ST3GAL3: variants seen among roughly 807,000 people sequenced by gnomAD.
ST3GAL3 encodes ST3 beta-galactoside alpha-2,3-sialyltransferase 3.
ST3GAL3 carries 21 observed loss-of-function variants against 50.1 expected under a neutral mutation model. The ratio of observed to expected loss-of-function variants is 0.42; its 90% CI spans 0.30 to 0.60. The LOEUF is 0.60. ST3GAL3 is among the 20% of genes least tolerant of loss of function. The pLI is 0.19. For missense variants in ST3GAL3, 353 were observed against 489.4 expected (o/e 0.72, Z 2.63); for synonymous variants, 183 against 190.0 (o/e 0.96, Z 0.30).
At chr1:43,875,400 G>A (rs1570421095) in intron 5 of ST3GAL3, among the ~76,000 whole-genome samples, 3 of 152,212 alleles carry the variant, frequency 2.0e-5, no homozygotes, top group Non-Finnish European at 1.5e-5. Flanking sequence ...ATCACTGGAG[G>A]AGGGGAGGCC....
intron 5 of ST3GAL3, among the ~76,000 whole-genome samples, chr1:43,891,726 A>T (rs2076708032): frequency 6.6e-6 from 1 of 152,238 alleles, no homozygotes; most frequent in African/African-American, 2.4e-5. Context: ...TCAGCTCATT[A>T]TTCTGCAAAT....
In ST3GAL3 at chr1:43,857,327, A is replaced by G. The variant is rs560484638; in HGVS notation, c.302+19016A>G. 1.2e-3 allele frequency among the ~76,000 whole-genome samples: 182 copies of G among 152,304 alleles called. 2 individuals carry two copies. Among genetic ancestry groups the G allele is most frequent in the Non-Finnish European group, 2.3e-3 (154 of 68,024 alleles). On this transcript the variant is annotated intron_variant, in intron 5 of 11. Transcript: ENST00000347631. ...GAAAACATTTATGGCAATTAGAGTA[A>G]GTTTATGTTGCTGAATCTAATAAAT...
chr1:43,859,629 T>TA (rs998707840), intron 5 of ST3GAL3, among the ~76,000 whole-genome samples: 11 of 152,164 alleles, frequency 7.2e-5, no homozygotes, highest in Non-Finnish European at 1.0e-4. Flanking sequence ...GCTCAGCCCC[T>TA]TCAGATAGTG....
chr1:43,858,287 T>C, intron 5 of ST3GAL3: 1 of 1,285,408 alleles, frequency 7.8e-7, no homozygotes, highest in Non-Finnish European at 1.0e-6. Context: ...TGAAGTCTGA[T>C]GCCTGAACTA....
chr1:43,867,713 C>A (rs192308356), intron 5 of ST3GAL3, among the ~76,000 whole-genome samples: 70 of 152,290 alleles, frequency 4.6e-4, no homozygotes, highest in Admixed American at 1.1e-3. Flanking sequence ...TGCTCTAACC[C>A]TGCCCCTTCT....
intron 5 of ST3GAL3, among the ~76,000 whole-genome samples, chr1:43,862,288 C>A (rs2070186744): frequency 6.6e-6 from 1 of 152,206 alleles, no homozygotes; most frequent in South Asian, 2.1e-4. Context: ...GCTTTTCCTG[C>A]CCTGGAGCTC....
chr1:43,722,000 A>G (rs957998712), intron 1 of ST3GAL3, among the ~76,000 whole-genome samples: 1 of 152,220 alleles, frequency 6.6e-6, no homozygotes, highest in Non-Finnish European at 1.5e-5. Flanking sequence ...GGTGAACAAA[A>G]TAGACATGTT....
chr1:43,750,130 T>C (rs1332918379), intron 2 of ST3GAL3, among the ~76,000 whole-genome samples: 1 of 152,114 alleles, frequency 6.6e-6, no homozygotes, highest in East Asian at 1.9e-4. Flanking sequence ...GGAAAGCAAA[T>C]TAAAACCTCA....
In ST3GAL3 at chr1:43,838,211, T is replaced by TC; in HGVS notation, c.210-5dup. On this transcript the variant is annotated splice_polypyrimidine_tract_variant and splice_region_variant and intron_variant, in intron 4 of 11. Coordinates refer to ENST00000347631, the MANE Select transcript of ST3GAL3 (RefSeq NM_006279.5). The stretch of plus-strand genomic sequence containing the variant: ...TGGCAAGCTGTAACTTTCCTTCTCT[T>TC]CCCATAGGCCTGCTGAATTAGCCAC... The TC allele has an allele frequency of 6.2e-6, 10 of 1,611,078 alleles. No individual in the cohort carries two copies. The highest frequency in any genetic ancestry group is 8.5e-6 in the Non-Finnish European group (10 of 1,178,202).
chr1:43,861,309 C>T (rs932054263), intron 5 of ST3GAL3, among the ~76,000 whole-genome samples: 2 of 152,188 alleles, frequency 1.3e-5, no homozygotes, highest in African/African-American at 4.8e-5. Context: ...ATGTCCATGA[C>T]ATGTGTGTCC....
intron 5 of ST3GAL3, chr1:43,850,323 G>A: frequency 1.7e-6 from 1 of 592,864 alleles, no homozygotes; most frequent in African/African-American, 1.9e-5. Context: ...GCCAGGCAGA[G>A]GGAAGAGAGT....
rs746909834 is a variant in ST3GAL3, at chr1:43,920,563, G to T, written c.891+13G>T. Reference sequence around the variant, plus strand: ...CATGGGCCGGGGGGTGAGATATCTGGGCCCTGGGAGAGGGAGGAGGAAAGC... The same window carrying T: ...CATGGGCCGGGGGGTGAGATATCTGTGCCCTGGGAGAGGGAGGAGGAAAGC... On this transcript the variant is annotated intron_variant, in intron 10 of 11. Transcript: ENST00000347631. 12 of 1,613,410 alleles carry T rather than the reference G, an allele frequency of 7.4e-6. No individual in the cohort carries two copies. The South Asian group carries it at 1.2e-4, about 16-fold the overall frequency.
At chr1:43,800,759 T>C (rs776982274) in intron 3 of ST3GAL3, among the ~76,000 whole-genome samples, 1 of 152,168 alleles carries the variant, frequency 6.6e-6, no homozygotes, top group Non-Finnish European at 1.5e-5. Flanking sequence ...AGGAAGATGC[T>C]CAATAAATAG....
intron 1 of ST3GAL3, among the ~76,000 whole-genome samples, chr1:43,722,665 G>A (rs924834202): frequency 5.9e-5 from 9 of 152,160 alleles, no homozygotes; most frequent in Non-Finnish European, 5.9e-5. Context: ...GATAAAATTT[G>A]TAGGACTTGA....
chr1:43,767,036 GGA>G (rs1381184951), intron 2 of ST3GAL3, among the ~76,000 whole-genome samples: 1 of 152,168 alleles, frequency 6.6e-6, no homozygotes, highest in South Asian at 2.1e-4. Context: ...CTGATGAAAA[GGA>G]GAGAGAGAAA....
At chr1:43,746,218 A>T (rs1683575544) in intron 2 of ST3GAL3, among the ~76,000 whole-genome samples, 3 of 152,220 alleles carry the variant, frequency 2.0e-5, no homozygotes, top group African/African-American at 7.2e-5. Context: ...TTAAATGCGT[A>T]AGCCAGTAAC....
At chr1:43,748,546 A>G (rs953379054) in intron 2 of ST3GAL3, among the ~76,000 whole-genome samples, 1 of 149,698 alleles carries the variant, frequency 6.7e-6, no homozygotes, top group Non-Finnish European at 1.5e-5. Context: ...CTCCTGCCTC[A>G]GCCTCCTAAG....
At chr1:43,724,141 C>T (rs562789952) in intron 1 of ST3GAL3, among the ~76,000 whole-genome samples, 38 of 152,000 alleles carry the variant, frequency 2.5e-4, no homozygotes, top group African/African-American at 9.2e-4. Flanking sequence ...GAATGTATTA[C>T]TTTTTGGAAT....
At chr1:43,890,476 C>T (rs147188132) in intron 5 of ST3GAL3, among the ~76,000 whole-genome samples, 2 of 152,142 alleles carry the variant, frequency 1.3e-5, no homozygotes, top group African/African-American at 4.8e-5. Flanking sequence ...CCTAACTAGC[C>T]GAAGTGTTAG....
Sources: gnomAD v4.1 joint callset for allele counts (sites outside exome capture counted in the v4.1 genomes callset) on GRCh38, gnomAD v4.1.1 for gene constraint, MANE v1.5 for transcripts, NCBI Gene and HGNC (gene_info 2026-07-23, HGNC 2026-07-21) for gene names.